Variants in UGT1A8 observed in about 807,000 individuals in gnomAD.
UGT1A8 encodes the protein UDP-glucuronosyltransferase 1A8.
In UGT1A8, 39 loss-of-function variants were observed where a neutral mutation model predicts 45.3. The ratio of observed to expected loss-of-function variants is 0.86; its 90% CI spans 0.67 to 1.12. The LOEUF is 1.12. Ranked by LOEUF, UGT1A8 falls within the 50% of genes most tolerant of loss-of-function variation. The probability of loss-of-function intolerance (pLI) is 0.00; values close to 1 mark genes in which losing one functional copy is unlikely to be tolerated. For synonymous variants in UGT1A8, 275 were observed against 249.2 expected, an observed-to-expected ratio of 1.10 and a Z score of -0.97; for missense variants, 719 against 664.9, an observed-to-expected ratio of 1.08 and a Z score of -0.90.
chr2:233,642,766 T>C (rs891924143), intron 1 of UGT1A8, among the ~76,000 whole-genome samples: 2 of 152,246 alleles, frequency 1.3e-5, no homozygotes, highest in African/African-American at 4.8e-5. Context: ...CTTGCAGACT[T>C]GTAGATGTAT....
intron 1 of UGT1A8, chr2:233,719,276 C>T (rs749630489): frequency 1.9e-6 from 3 of 1,614,118 alleles, no homozygotes; most frequent in Non-Finnish European, 2.5e-6. Flanking sequence ...TTTTAACAGA[C>T]CCCGTTAACC....
Position 233,757,543 on chromosome 2 carries a change from T to TACATATAC in UGT1A8, c.856-9490_856-9489insCATATACA, listed in dbSNP as rs1320189051. ...AAATCTTGCCTGTAAGGAATATATA[T>TACATATAC]ATATATATATATATATATGTATATA... On this transcript the variant is annotated intron_variant, in intron 1 of 4. Transcript: ENST00000373450. Among the ~76,000 whole-genome samples, 305 of 117,198 alleles carry TACATATAC rather than the reference T, an allele frequency of 2.6e-3. 10 individuals are homozygous for TACATATAC. The highest frequency in any genetic ancestry group is 3.4e-3 in the Non-Finnish European group (191 of 55,852). The allele number at this position is 117,198 out of a possible 152,430, so 76.9% of individuals were successfully genotyped here.
At chr2:233,707,104 C>G (rs2075941348) in intron 1 of UGT1A8, among the ~76,000 whole-genome samples, 1 of 152,018 alleles carries the variant, frequency 6.6e-6, no homozygotes, top group Admixed American at 6.6e-5. Context: ...GCTGAGGGAC[C>G]CCCAAAATAC....
At chr2:233,719,521 T>C in intron 1 of UGT1A8, 1 of 1,613,998 alleles carries the variant, frequency 6.2e-7, no homozygotes, top group Non-Finnish European at 8.5e-7. Flanking sequence ...TATGCAAGTC[T>C]TGCCTCTGAG....
Position 233,767,879 on chromosome 2 carries a change from T to C in UGT1A8, c.1018T>C (p.Ser340Pro). 1 of 1,614,180 alleles carries C rather than the reference T, an allele frequency of 6.2e-7. No homozygotes were observed. The highest frequency in any genetic ancestry group is 1.6e-4 in the Middle Eastern group (1 of 6,062). ...VLWRYTGTRP[S>P]NLANNTILVK... ...GTGGCGGTACACTGGAACCCGACCA[T>C]CGAATCTTGCGAACAACACGATACT... The change falls in exon 3 of 5, where the codon TCG becomes CCG. Residue 340 changes from serine (S) to proline (P), a missense_variant. Coordinates refer to ENST00000373450, the MANE Select transcript of UGT1A8 (RefSeq NM_019076.5).
intron 1 of UGT1A8, among the ~76,000 whole-genome samples, chr2:233,652,901 A>C (rs2125478312): frequency 6.6e-6 from 1 of 152,370 alleles, no homozygotes; most frequent in Non-Finnish European, 1.5e-5. Flanking sequence ...CAGATTTGGA[A>C]ATGGTTTCTG....
intron 1 of UGT1A8, among the ~76,000 whole-genome samples, chr2:233,728,596 G>A (rs2077730910): frequency 6.6e-6 from 1 of 152,160 alleles, no homozygotes; most frequent in South Asian, 2.1e-4. Flanking sequence ...AAACCACATA[G>A]CCAGCCTCCA....
chr2:233,737,994 C>T (rs1435641802), intron 1 of UGT1A8, among the ~76,000 whole-genome samples: 1 of 151,970 alleles, frequency 6.6e-6, no homozygotes. Flanking sequence ...CTCTGTGTCC[C>T]CCACCAAATC....
intron 1 of UGT1A8, chr2:233,672,732 G>A (rs2074238993): frequency 6.2e-7 from 1 of 1,613,894 alleles, no homozygotes; most frequent in Non-Finnish European, 8.5e-7. Context: ...AACCCGTGAT[G>A]CCCAACATGA....
intron 1 of UGT1A8, among the ~76,000 whole-genome samples, chr2:233,684,036 T>A (rs1038069195): frequency 2.6e-5 from 4 of 152,206 alleles, no homozygotes; most frequent in Admixed American, 6.5e-5. Context: ...AGTTGCTAAA[T>A]CCAGGTGAAA....
At chr2:233,712,747 C>T (rs1276228236) in intron 1 of UGT1A8, among the ~76,000 whole-genome samples, 3 of 152,002 alleles carry the variant, frequency 2.0e-5, no homozygotes, top group African/African-American at 7.3e-5. Context: ...TTGGATGTTC[C>T]CCAGAGCGAG....
At chr2:233,718,690 G>A in intron 1 of UGT1A8, 1 of 1,588,038 alleles carries the variant, frequency 6.3e-7, no homozygotes. Context: ...GTAACTGGAG[G>A]AGGGCACTTT....
chr2:233,620,584 T>C (rs1010760627), intron 1 of UGT1A8, among the ~76,000 whole-genome samples: 2 of 152,346 alleles, frequency 1.3e-5, no homozygotes, highest in South Asian at 4.1e-4. Flanking sequence ...TTATGAGATA[T>C]GAAATAAATG....
rs28969993 is a variant in UGT1A8 at position 233,658,629 on chromosome 2, A to T, written c.855+40067A>T. 3.6e-3 allele frequency among the ~76,000 whole-genome samples: 546 copies of T among 152,202 alleles called. 11 individuals carry two copies. The East Asian group carries it at 0.076, about 21-fold the overall frequency. Reference sequence around the variant, plus strand: ...CAGTCTTGGTTTGTCTGATGTTTTGATCATGGTTAGACTGGGGTTATAGGT... The same window carrying T: ...CAGTCTTGGTTTGTCTGATGTTTTGTTCATGGTTAGACTGGGGTTATAGGT... On this transcript the variant is annotated intron_variant, in intron 1 of 4. Coordinates refer to ENST00000373450, the MANE Select transcript of UGT1A8 (RefSeq NM_019076.5).
intron 1 of UGT1A8, chr2:233,756,060 G>T (rs1357944453): frequency 6.6e-6 from 1 of 152,200 alleles, no homozygotes; most frequent in African/African-American, 2.4e-5. Flanking sequence ...CTGTACACTT[G>T]TGGGAGAATG....
intron 1 of UGT1A8, among the ~76,000 whole-genome samples, chr2:233,623,448 G>T (rs1049552685): frequency 6.6e-6 from 1 of 152,090 alleles, no homozygotes; most frequent in Non-Finnish European, 1.5e-5. Context: ...CGCATCCTTT[G>T]TAAGTTGGAT....
intron 1 of UGT1A8, among the ~76,000 whole-genome samples, chr2:233,625,627 A>T (rs903856311): frequency 3.3e-5 from 5 of 151,802 alleles, no homozygotes; most frequent in African/African-American, 1.2e-4. Flanking sequence ...GAATGAAATC[A>T]TGTCCTTTGT....
intron 1 of UGT1A8, chr2:233,636,731 T>G (rs1206252285): frequency 6.2e-7 from 1 of 1,614,060 alleles, no homozygotes; most frequent in Non-Finnish European, 8.5e-7. Flanking sequence ...GAAAGATCAC[T>G]GAATTGCACA....
chr2:233,667,736 C>T (rs963468862), intron 1 of UGT1A8, among the ~76,000 whole-genome samples: 4 of 152,128 alleles, frequency 2.6e-5, no homozygotes. Context: ...TGAACAGACC[C>T]TTCTCAAAAG....
Sources: gnomAD v4.1 joint callset for allele counts (sites outside exome capture counted in the v4.1 genomes callset) on GRCh38, gnomAD v4.1.1 for gene constraint, MANE v1.5 for transcripts, NCBI Gene and HGNC (gene_info 2026-07-23, HGNC 2026-07-21) for gene names.